The following CSMD1 variants were observed in gnomAD, a reference collection of about 807,000 sequenced individuals.
CSMD1 encodes CUB and Sushi multiple domains 1, also known as CUB and sushi domain-containing protein 1.
A neutral mutation model predicts 417.5 loss-of-function variants in CSMD1; 213 were observed. The ratio of observed to expected loss-of-function variants is 0.51; its 90% CI spans 0.46 to 0.57. CSMD1 has a LOEUF of 0.57. Ranked by LOEUF, CSMD1 falls within the 20% of genes least tolerant of loss-of-function variation. CSMD1 has a pLI of 0.00. For missense variants in CSMD1, 6,923 were observed against 4,529.7 expected (o/e 1.53, Z -15.17); for synonymous variants, 2,862 against 1,736.8 (o/e 1.65, Z -16.11).
chr8:3,524,456 T>A (rs539859986), intron 10 of CSMD1, among the ~76,000 whole-genome samples: 1 of 143,770 alleles, frequency 7.0e-6, no homozygotes, highest in East Asian at 2.1e-4. Flanking sequence ...CACATGCACA[T>A]ATGCATGCAC....
Position 4,848,260 on chromosome 8 carries a change from T to G in CSMD1, c.85+146072A>C, listed in dbSNP as rs117612958. On this transcript the variant is annotated intron_variant, in intron 1 of 69. Transcript: ENST00000635120. ...GGGGTGTTTCCACTTTTTCCTAGTTTGAATAATGTTGACATAAACATTGTT... is the reference window on the plus strand; with the variant it reads ...GGGGTGTTTCCACTTTTTCCTAGTTGGAATAATGTTGACATAAACATTGTT... Among the ~76,000 whole-genome samples, 894 of 152,344 alleles carry G rather than the reference T, an allele frequency of 5.9e-3. 3 individuals are homozygous for G. The highest frequency in any genetic ancestry group is 0.011 in the Non-Finnish European group (735 of 68,028).
intron 1 of CSMD1, among the ~76,000 whole-genome samples, chr8:4,704,711 G>C (rs775613414): frequency 6.6e-6 from 1 of 152,144 alleles, no homozygotes; most frequent in African/African-American, 2.4e-5. Context: ...TTGTGTGCTT[G>C]CTTAATGGAA....
At chr8:4,803,519 A>G (rs185730828) in intron 1 of CSMD1, among the ~76,000 whole-genome samples, 1 of 152,258 alleles carries the variant, frequency 6.6e-6, no homozygotes, top group Non-Finnish European at 1.5e-5. Flanking sequence ...AACAGACCAG[A>G]ACTACCAGAG....
intron 5 of CSMD1, among the ~76,000 whole-genome samples, chr8:3,911,977 C>T (rs1808494091): frequency 6.6e-6 from 1 of 152,136 alleles, no homozygotes; most frequent in African/African-American, 2.4e-5. Flanking sequence ...CCACAAGTTT[C>T]CTGAACCGAT....
At chr8:4,777,566 T>A (rs1012221171) in intron 1 of CSMD1, among the ~76,000 whole-genome samples, 1 of 152,230 alleles carries the variant, frequency 6.6e-6, no homozygotes, top group Admixed American at 6.5e-5. Flanking sequence ...CTGTTGTTCC[T>A]TATCAGCTAA....
chr8:4,841,996 A>G (rs1437002213), intron 1 of CSMD1, among the ~76,000 whole-genome samples: 1 of 149,520 alleles, frequency 6.7e-6, no homozygotes, highest in African/African-American at 2.5e-5. Flanking sequence ...TCTAATTGAT[A>G]GGGAAACCCT....
At chr8:4,583,940 C>T (rs966002717) in intron 2 of CSMD1, among the ~76,000 whole-genome samples, 13 of 152,120 alleles carry the variant, frequency 8.5e-5, no homozygotes, top group South Asian at 6.2e-4. Context: ...TAACACTCAC[C>T]GCCAAAGTCT....
rs1800070068 is a variant in CSMD1, at chr8:3,795,954, GTACAGA to G, written c.819-41918_819-41913del. On this transcript the variant is annotated intron_variant, in intron 5 of 69. Coordinates refer to ENST00000635120, the MANE Select transcript of CSMD1 (RefSeq NM_033225.6). ...ATGTACAGATATAGATATCTATCAT[GTACAGA>G]TATAGATATCTATCATGTACAGATA... 1.7e-4 allele frequency among the ~76,000 whole-genome samples: 7 copies of G among 42,132 alleles called. 1 individual carries two copies. Among genetic ancestry groups the G allele is most frequent in the African/African-American group, 7.8e-4 (7 of 8,924 alleles). The allele number at this position is 42,132 out of a possible 152,430, so 27.6% of individuals were successfully genotyped here.
At chr8:2,945,852 C>G (rs530653818) in intron 68 of CSMD1, among the ~76,000 whole-genome samples, 2 of 152,306 alleles carry the variant, frequency 1.3e-5, no homozygotes, top group East Asian at 3.9e-4. Flanking sequence ...TATAAATTTA[C>G]ATTTCTTTAC....
intron 18 of CSMD1, among the ~76,000 whole-genome samples, chr8:3,382,559 TTC>T (rs5888963): frequency 1.5e-5 from 2 of 136,758 alleles, no homozygotes; most frequent in African/African-American, 5.2e-5. Flanking sequence ...CATTATGTCT[TTC>T]TCTATATATA....
intron 50 of CSMD1, among the ~76,000 whole-genome samples, chr8:3,045,297 C>T (rs1045110508): frequency 1.3e-5 from 2 of 152,106 alleles, no homozygotes; most frequent in Non-Finnish European, 2.9e-5. Flanking sequence ...TTAATGGAAC[C>T]TGCAATAACT....
At chr8:3,087,026 A>G in intron 49 of CSMD1, 71 bp downstream of exon 49, 1 of 1,332,968 alleles carries the variant, frequency 7.5e-7, no homozygotes, top group Non-Finnish European at 1.1e-6. Flanking sequence ...TGCTTCATTT[A>G]TTTTCAGAGA....
At chr8:4,904,850 G>A (rs991214830) in intron 1 of CSMD1, among the ~76,000 whole-genome samples, 1 of 152,166 alleles carries the variant, frequency 6.6e-6, no homozygotes, top group African/African-American at 2.4e-5. Context: ...GCAATGATCT[G>A]TAAATTACTA....
At chr8:3,072,165 C>A (rs200576103) in intron 49 of CSMD1, among the ~76,000 whole-genome samples, 2 of 152,132 alleles carry the variant, frequency 1.3e-5, no homozygotes, top group Admixed American at 6.6e-5. Flanking sequence ...TCAATTCTTC[C>A]GGAGTCTATG....
chr8:3,401,101 G>A (rs1393307170), intron 15 of CSMD1, among the ~76,000 whole-genome samples: 2 of 151,360 alleles, frequency 1.3e-5, no homozygotes, highest in African/African-American at 2.4e-5. Context: ...ATTCTTTTAT[G>A]AATACAACAT....
At chr8:3,876,739 A>G (rs1188250011) in intron 5 of CSMD1, among the ~76,000 whole-genome samples, 1 of 152,054 alleles carries the variant, frequency 6.6e-6, no homozygotes, top group African/African-American at 2.4e-5. Context: ...CCTCCTGAGT[A>G]CCTGGAAGCA....
At chr8:3,341,251 C>G (rs997634853) in intron 23 of CSMD1, among the ~76,000 whole-genome samples, 1 of 152,084 alleles carries the variant, frequency 6.6e-6, no homozygotes, top group Non-Finnish European at 1.5e-5. Flanking sequence ...TACGGTCACA[C>G]GGCTCTGGAG....
intron 5 of CSMD1, among the ~76,000 whole-genome samples, chr8:3,993,287 T>C (rs1276029245): frequency 6.6e-6 from 1 of 152,214 alleles, no homozygotes; most frequent in African/African-American, 2.4e-5. Context: ...CTCCTTCCTT[T>C]AATTTTGGGG....
At chr8:4,189,622 C>G (rs1405265612) in intron 3 of CSMD1, among the ~76,000 whole-genome samples, 1 of 152,064 alleles carries the variant, frequency 6.6e-6, no homozygotes, top group South Asian at 2.1e-4. Context: ...GGCAAAGACC[C>G]CTAGCAAAGA....
Sources: gnomAD v4.1 joint callset for allele counts (sites outside exome capture counted in the v4.1 genomes callset) on GRCh38, gnomAD v4.1.1 for gene constraint, MANE v1.5 for transcripts, NCBI Gene and HGNC (gene_info 2026-07-23, HGNC 2026-07-21) for gene names.